TAFA1: variants seen among roughly 807,000 people sequenced by gnomAD.
TAFA1 encodes the protein TAFA chemokine like family member 1, also known as chemokine-like protein TAFA-1.
Under a neutral mutation model 18.5 loss-of-function variants are expected in TAFA1, and 4 were observed. The observed-to-expected ratio is 0.22, with a 90% CI of 0.11 to 0.49. The LOEUF (loss-of-function observed/expected upper bound fraction) is 0.49. TAFA1 is among the 20% of genes least tolerant of loss of function. TAFA1 has a pLI of 0.98. For missense variants in TAFA1, 147 were observed against 169.0 expected (o/e 0.87, Z 0.72); for synonymous variants, 56 against 55.2 (o/e 1.01, Z -0.06).
chr3:68,255,864 C>A (rs1272791530), intron 2 of TAFA1, among the ~76,000 whole-genome samples: 2 of 152,006 alleles, frequency 1.3e-5, no homozygotes, highest in Non-Finnish European at 2.9e-5. Context: ...GTCTGTAATA[C>A]ACTGATATTT....
At chr3:68,490,438 A>C (rs1326487513) in intron 3 of TAFA1, among the ~76,000 whole-genome samples, 2 of 152,154 alleles carry the variant, frequency 1.3e-5, no homozygotes, top group Non-Finnish European at 2.9e-5. Context: ...AGACTGTTAT[A>C]ATCCTATAAT....
chr3:68,387,211 A>C (rs1329588907), intron 2 of TAFA1, among the ~76,000 whole-genome samples: 1 of 152,120 alleles, frequency 6.6e-6, no homozygotes, highest in Non-Finnish European at 1.5e-5. Flanking sequence ...TGGTGACTAT[A>C]AATCCAGACA....
At chr3:68,390,984 G>A (rs2070227967) in intron 2 of TAFA1, among the ~76,000 whole-genome samples, 2 of 152,112 alleles carry the variant, frequency 1.3e-5, no homozygotes, top group East Asian at 1.9e-4. Flanking sequence ...GGCCAGCAAG[G>A]GAACAAAACT....
chr3:68,139,549 G>A (rs144097910), intron 2 of TAFA1, among the ~76,000 whole-genome samples: 24 of 152,284 alleles, frequency 1.6e-4, no homozygotes, highest in African/African-American at 4.1e-4. Context: ...AAAAAAAGAA[G>A]TAAATATATG....
chr3:68,158,865 A>T (rs1224449364), intron 2 of TAFA1, among the ~76,000 whole-genome samples: 1 of 152,232 alleles, frequency 6.6e-6, no homozygotes, highest in East Asian at 1.9e-4. Context: ...AAATAAAGAG[A>T]AATTCTTGTA....
intron 3 of TAFA1, among the ~76,000 whole-genome samples, chr3:68,465,478 C>G (rs1160490031): frequency 6.6e-6 from 1 of 152,182 alleles, no homozygotes; most frequent in African/African-American, 2.4e-5. Flanking sequence ...TGTAAATTTG[C>G]TAGGTCCTGT....
chr3:68,170,044 G>T (rs2066033302), intron 2 of TAFA1, among the ~76,000 whole-genome samples: 1 of 152,148 alleles, frequency 6.6e-6, no homozygotes, highest in Admixed American at 6.5e-5. Flanking sequence ...TAGAGCTCTG[G>T]AAATTAACTA....
chr3:68,336,222 A>T (rs991000823), intron 2 of TAFA1, among the ~76,000 whole-genome samples: 2 of 152,244 alleles, frequency 1.3e-5, no homozygotes, highest in Non-Finnish European at 2.9e-5. Context: ...CTCTCATTGC[A>T]TGCATTCCTT....
chr3:68,140,558 C>A (rs543835160), intron 2 of TAFA1, among the ~76,000 whole-genome samples: 2 of 152,174 alleles, frequency 1.3e-5, no homozygotes, highest in Non-Finnish European at 2.9e-5. Context: ...CTGCATGAGT[C>A]CTGGGCTGAA....
rs2073442478 is a variant in TAFA1 at position 68,545,371 on chromosome 3, C to T, written c.*868C>T. ...GTCCTGTAAATACAATGTCTTAAGG[C>T]TTTGTATAGCTGTCCTAGACTGCAG... On this transcript the variant is annotated 3_prime_UTR_variant, in exon 5 of 5. Transcript: ENST00000478136. The T allele has an allele frequency of 6.6e-6, 1 of 152,540 alleles. No individual in the cohort carries two copies. The highest frequency in any genetic ancestry group is 2.4e-5 in the African/African-American group (1 of 41,424). 9.4% of individuals were successfully genotyped at this position (152,540 alleles called of 1,614,324 possible).
intron 3 of TAFA1, among the ~76,000 whole-genome samples, chr3:68,513,963 T>C (rs1258121716): frequency 6.6e-6 from 1 of 152,182 alleles, no homozygotes; most frequent in Non-Finnish European, 1.5e-5. Context: ...TTCTCACAGT[T>C]GTGGAAGCTG....
At chr3:68,097,035 C>T (rs1397856460) in intron 2 of TAFA1, among the ~76,000 whole-genome samples, 1 of 152,042 alleles carries the variant, frequency 6.6e-6, no homozygotes, top group Non-Finnish European at 1.5e-5. Flanking sequence ...CTACATTGTG[C>T]TTCTGTGAGC....
chr3:68,222,290 C>A (rs1208302137), intron 2 of TAFA1, among the ~76,000 whole-genome samples: 1 of 152,142 alleles, frequency 6.6e-6, no homozygotes, highest in Non-Finnish European at 1.5e-5. Context: ...GAATTTTATG[C>A]CAGACAGGAA....
At chr3:68,483,478 T>A (rs1179301537) in intron 3 of TAFA1, among the ~76,000 whole-genome samples, 1 of 152,314 alleles carries the variant, frequency 6.6e-6, no homozygotes, top group East Asian at 1.9e-4. Flanking sequence ...TAGCCTCTGA[T>A]TAAGAAGTTA....
chr3:68,435,710 G>A (rs2071256439), intron 3 of TAFA1, among the ~76,000 whole-genome samples: 1 of 152,142 alleles, frequency 6.6e-6, no homozygotes. Flanking sequence ...AGGAAATCTT[G>A]GCATCTTAGC....
At chr3:68,353,159 T>C (rs551205625) in intron 2 of TAFA1, among the ~76,000 whole-genome samples, 1 of 152,186 alleles carries the variant, frequency 6.6e-6, no homozygotes, top group Non-Finnish European at 1.5e-5. Flanking sequence ...TAAGTCATTT[T>C]ATCCCCAACT....
rs1203368566 is a variant in TAFA1, at chr3:68,499,409, G to GGGGA, written c.260-39347_260-39346insGGGA. Reference sequence around the variant, plus strand: ...TGTTTTTGTTTATTGTTTGGAGCTAGCTTGCTTCTTTGTTTTCTTTCTTTC... The same window carrying GGGGA: ...TGTTTTTGTTTATTGTTTGGAGCTAGGGGACTTGCTTCTTTGTTTTCTTTCTTTC... On this transcript the variant is annotated intron_variant, in intron 3 of 4. Coordinates refer to ENST00000478136, the MANE Select transcript of TAFA1 (RefSeq NM_213609.4). Among the ~76,000 whole-genome samples the GGGGA allele has an allele frequency of 1.3e-4, 19 of 146,282 alleles. 1 individual carries two copies. The highest frequency in any genetic ancestry group is 2.3e-4 in the Non-Finnish European group (15 of 66,398).
At chr3:68,335,299 C>G (rs1463188333) in intron 2 of TAFA1, among the ~76,000 whole-genome samples, 11 of 152,164 alleles carry the variant, frequency 7.2e-5, no homozygotes, top group Admixed American at 6.5e-4. Context: ...ATGATAAGCA[C>G]TTTGCTTTCC....
At chr3:68,060,185 T>G (rs1302762759) in intron 2 of TAFA1, among the ~76,000 whole-genome samples, 2 of 136,680 alleles carry the variant, frequency 1.5e-5, no homozygotes, top group South Asian at 4.6e-4. Flanking sequence ...CCATTGCAAC[T>G]GTGTGTGTGT....
Sources: allele counts gnomAD v4.1 joint callset (sites outside exome capture counted in the v4.1 genomes callset), GRCh38; gene constraint gnomAD v4.1.1; transcripts MANE v1.5; gene names NCBI Gene and HGNC (gene_info 2026-07-23, HGNC 2026-07-21).